The following SAE1 variants were observed in gnomAD, a reference collection of about 807,000 sequenced individuals.
The protein encoded by SAE1 is SUMO-activating enzyme subunit 1.
In SAE1, 11 loss-of-function variants were observed where a neutral mutation model predicts 40.6. The observed-to-expected ratio is 0.27, with a 90% CI of 0.17 to 0.45. The LOEUF (loss-of-function observed/expected upper bound fraction) is 0.45, where lower values mean the gene tolerates loss of function less well. Among genes scored for constraint, SAE1 ranks in the 20% least tolerant of loss-of-function variants. The pLI, the probability that SAE1 is intolerant of heterozygous loss-of-function variation, is 1.00. For missense variants in SAE1, 373 were observed against 427.3 expected, an observed-to-expected ratio of 0.87 and a Z score of 1.12; for synonymous variants, 155 against 154.3, an observed-to-expected ratio of 1.00 and a Z score of -0.03.
chr19:47,184,348 C>T (rs2058529720), intron 6 of SAE1, among the ~76,000 whole-genome samples: 2 of 152,162 alleles, frequency 1.3e-5, no homozygotes, highest in Non-Finnish European at 2.9e-5. Flanking sequence ...CCCCAGTTTT[C>T]CTACCACTAA....
intron 6 of SAE1, among the ~76,000 whole-genome samples, chr19:47,185,149 A>G (rs1221181633): frequency 6.6e-6 from 1 of 152,118 alleles, no homozygotes; most frequent in Admixed American, 6.6e-5. Context: ...AAAAAAACCT[A>G]AATGTTGCAA....
intron 1 of SAE1, among the ~76,000 whole-genome samples, chr19:47,135,824 C>T (rs1310450051): frequency 2.6e-5 from 4 of 151,872 alleles, no homozygotes; most frequent in East Asian, 3.9e-4. Context: ...AACGGAGTCT[C>T]GCCGTGTCGC....
chr19:47,149,644 A>AT (rs370378855), intron 2 of SAE1, among the ~76,000 whole-genome samples: 9 of 152,248 alleles, frequency 5.9e-5, no homozygotes, highest in African/African-American at 1.9e-4. Context: ...GAAAGCATGG[A>AT]TTTTTTTGTT....
At chr19:47,197,085 G>A in intron 6 of SAE1, 148 bp from the exon 7 acceptor site, 2 of 692,174 alleles carry the variant, frequency 2.9e-6, no homozygotes, top group South Asian at 1.9e-5. Context: ...GGAGGCTGAG[G>A]CAGAAGAATC....
At chr19:47,157,841 G>C (rs1362056275) in intron 5 of SAE1, among the ~76,000 whole-genome samples, 4 of 152,164 alleles carry the variant, frequency 2.6e-5, no homozygotes, top group African/African-American at 7.2e-5. Context: ...CATTCCTGCT[G>C]ACAATCCCTG....
rs757486381 is a variant in SAE1, at chr19:47,150,242, C to A, written c.251C>A (p.Thr84Asn). Residue 84 changes from threonine to asparagine, a missense_variant, in exon 3 of 9, where the codon ACT becomes AAT. Around this residue, in one of 3 missense-constraint regions of SAE1, gnomAD observed 351 missense variants for 390.6 expected, o/e 0.90. Coordinates refer to ENST00000270225, the MANE Select transcript of SAE1 (RefSeq NM_005500.3). ...CCCGGAGCTCAGTTCTTGATTCGTA[C>A]TGGGTCTGTTGGCCGAAATAGGGCT... ...EDPGAQFLIR[T>N]GSVGRNRAEA... The A allele has an allele frequency of 1.2e-5, 20 of 1,612,552 alleles. 1 individual carries two copies. The Admixed American group carries it at 3.2e-4, about 26-fold the overall frequency.
chr19:47,186,708 G>A (rs1050115623), intron 6 of SAE1, among the ~76,000 whole-genome samples: 2 of 152,134 alleles, frequency 1.3e-5, no homozygotes, highest in African/African-American at 2.4e-5. Context: ...TGCAAATAGC[G>A]AGGCACAGCT....
At chr19:47,192,684 G>A (rs894831193) in intron 6 of SAE1, among the ~76,000 whole-genome samples, 1 of 151,602 alleles carries the variant, frequency 6.6e-6, no homozygotes, top group Admixed American at 6.6e-5. Flanking sequence ...TTGATTATAG[G>A]CACCCACCAC....
At position 47,179,228 on chromosome 19, in the gene SAE1, G is replaced by A. The variant is rs1041571904; in HGVS notation, c.733+9305G>A. On this transcript the variant is annotated intron_variant, in intron 6 of 8. Coordinates refer to ENST00000270225, the MANE Select transcript of SAE1 (RefSeq NM_005500.3). ...AAAAAAGAAAGAAAAATCTCTAGCCGGTCGCGATGGCTCACGCCTGTAATC... is the reference window on the plus strand; with the variant it reads ...AAAAAAGAAAGAAAAATCTCTAGCCAGTCGCGATGGCTCACGCCTGTAATC... Among the ~76,000 whole-genome samples the A allele has an allele frequency of 4.0e-5, 6 of 150,348 alleles. No individual in the cohort carries two copies. The East Asian group carries it at 5.9e-4, about 15-fold the overall frequency.
chr19:47,198,836 A>G (rs971692087), intron 7 of SAE1, among the ~76,000 whole-genome samples: 1 of 152,194 alleles, frequency 6.6e-6, no homozygotes, highest in Non-Finnish European at 1.5e-5. Context: ...CTATAATCCC[A>G]GCACTTTGGG....
chr19:47,139,860 C>G (rs1056962427), intron 1 of SAE1, among the ~76,000 whole-genome samples: 3 of 151,134 alleles, frequency 2.0e-5, no homozygotes, highest in Admixed American at 6.6e-5. Flanking sequence ...CTTGGCCTCC[C>G]AAAGTGTTGG....
chr19:47,169,906 A>G lies in SAE1; in HGVS notation c.716A>G (p.Asp239Gly). ...AKAALKRTTS[D>G]YFLLQVLLKF... ...GCTGCTCTGAAGCGCACGACCTCCG[A>G]CTACTTTCTCCTTCAAGGTGAGGTC... The change falls in exon 6 of 9, where the codon GAC (aspartate) becomes GGC (glycine). Residue 239 changes from aspartate (D) to glycine (G), a missense_variant. Coordinates refer to ENST00000270225, the MANE Select transcript of SAE1 (RefSeq NM_005500.3). 1 of 1,613,768 alleles carries G rather than the reference A, an allele frequency of 6.2e-7. No individual in the cohort carries two copies. Among genetic ancestry groups the G allele is most frequent in the Non-Finnish European group, 8.5e-7 (1 of 1,179,642 alleles).
intron 5 of SAE1, among the ~76,000 whole-genome samples, chr19:47,155,604 A>AT (rs1220769621): frequency 5.3e-5 from 8 of 150,402 alleles, no homozygotes; most frequent in South Asian, 4.2e-4. Flanking sequence ...CCCCTGGCTA[A>AT]TTTTTTTTTG....
chr19:47,204,302 A>G (rs1050569397), intron 8 of SAE1, among the ~76,000 whole-genome samples: 3 of 140,074 alleles, frequency 2.1e-5, no homozygotes, highest in East Asian at 2.1e-4. Flanking sequence ...GGTTCACGCC[A>G]TTCTCCTACC....
chr19:47,207,475 T>TAA (rs1437700885), intron 8 of SAE1, among the ~76,000 whole-genome samples: 2 of 151,672 alleles, frequency 1.3e-5, no homozygotes, highest in Non-Finnish European at 2.9e-5. Flanking sequence ...TCTTCCTCTT[T>TAA]AAATGGTAGC....
intron 6 of SAE1, among the ~76,000 whole-genome samples, chr19:47,184,766 A>G (rs1037523867): frequency 1.3e-5 from 2 of 151,210 alleles, no homozygotes; most frequent in Non-Finnish European, 2.9e-5. Context: ...AGGATATGAC[A>G]TGGTTGTGGG....
intron 1 of SAE1, among the ~76,000 whole-genome samples, chr19:47,138,674 G>T (rs1035221068): frequency 6.6e-6 from 1 of 152,064 alleles, no homozygotes; most frequent in African/African-American, 2.4e-5. Flanking sequence ...TGGAGGAGGG[G>T]GCAGTAAACA....
chr19:47,198,833 C>T (rs1424329805), intron 7 of SAE1, among the ~76,000 whole-genome samples: 1 of 152,160 alleles, frequency 6.6e-6, no homozygotes, highest in Non-Finnish European at 1.5e-5. Flanking sequence ...CACCTATAAT[C>T]CCAGCACTTT....
chr19:47,192,122 A>ATC (rs1258081419), intron 6 of SAE1, among the ~76,000 whole-genome samples: 1 of 152,056 alleles, frequency 6.6e-6, no homozygotes, highest in Non-Finnish European at 1.5e-5. Context: ...CCAAAGCGTT[A>ATC]TAGTGCCTAC....
Sources: allele counts gnomAD v4.1 joint callset (sites outside exome capture counted in the v4.1 genomes callset), GRCh38; gene constraint gnomAD v4.1.1; regional missense constraint gnomAD v4.1.1; transcripts MANE v1.5; gene names NCBI Gene and HGNC (gene_info 2026-07-23, HGNC 2026-07-21).